Variants in PTPRS observed in about 807,000 individuals in gnomAD.
The protein encoded by PTPRS is protein tyrosine phosphatase receptor type S, also known as receptor-type tyrosine-protein phosphatase S.
A neutral mutation model predicts 215.3 loss-of-function variants in PTPRS; 63 were observed. The observed-to-expected ratio is 0.29, with a 90% CI of 0.24 to 0.36. The LOEUF (loss-of-function observed/expected upper bound fraction) is 0.36, where lower values mean the gene tolerates loss of function less well. Ranked by LOEUF, PTPRS falls within the 10% of genes least tolerant of loss-of-function variation. The pLI, the probability that PTPRS is intolerant of heterozygous loss-of-function variation, is 1.00. For synonymous variants in PTPRS, 1,404 were observed against 1,191.4 expected (o/e 1.18, Z -3.68); for missense variants, 2,258 against 2,825.8 (o/e 0.80, Z 4.56).
intron 1 of PTPRS, among the ~76,000 whole-genome samples, chr19:5,306,754 G>C (rs2049508564): frequency 6.6e-6 from 1 of 152,112 alleles, no homozygotes; most frequent in Non-Finnish European, 1.5e-5. Flanking sequence ...TGGAAGGTCG[G>C]GTTACAGCTT....
At position 5,255,404 on chromosome 19, in the gene PTPRS, C is replaced by T. The variant is rs181238784; in HGVS notation, c.718+704G>A. Among the ~76,000 whole-genome samples, 12 of 152,170 alleles carry T rather than the reference C, an allele frequency of 7.9e-5. No individual in the cohort carries two copies. The East Asian group carries it at 1.9e-3, about 25-fold the overall frequency. On this transcript the variant is annotated intron_variant, in intron 9 of 37. Coordinates refer to ENST00000262963, the MANE Select transcript of PTPRS (RefSeq NM_002850.4). ...GAACACTGGCTTTTAAATCACAATG[C>T]GTTTGGAGAACAACCACAGAACAGC...
intron 2 of PTPRS, among the ~76,000 whole-genome samples, chr19:5,284,404 TAAATAAATAAATAAA>T (rs1051731830): frequency 1.5e-4 from 21 of 136,986 alleles, no homozygotes; most frequent in Admixed American, 5.9e-4. Context: ...AATAAATAAA[TAAATAAATAAATAAA>T]AATTAGCCAG....
chr19:5,228,004 G>A (rs142556680), intron 16 of PTPRS, among the ~76,000 whole-genome samples: 1 of 152,178 alleles, frequency 6.6e-6, no homozygotes, highest in African/African-American at 2.4e-5. Context: ...GGGATAAGGA[G>A]GGGTGACGGG....
At position 5,287,724 on chromosome 19, in the gene PTPRS, C is replaced by T. The variant is rs1280187490; in HGVS notation, c.-94-1490G>A. On this transcript the variant is annotated intron_variant, in intron 1 of 37. Coordinates refer to ENST00000262963, the MANE Select transcript of PTPRS (RefSeq NM_002850.4). The surrounding 1 kb of genome is among the most constrained non-coding windows in gnomAD (Gnocchi z 4.8). ...AGGGGAAGGATGGGCGGGTAGTGGC[C>T]GGGTCACAGCCTAGGGTGACGAACG... Among the ~76,000 whole-genome samples the T allele has an allele frequency of 1.3e-5, 2 of 152,236 alleles. No individual in the cohort carries two copies. Among genetic ancestry groups the T allele is most frequent in the East Asian group, 1.9e-4 (1 of 5,178 alleles).
rs1334459086 is a variant in PTPRS, at chr19:5,229,533, G to T, written c.2307C>A (p.Arg769=). Residue 769 remains arginine (R), a synonymous_variant, in exon 15 of 38, where the codon CGC becomes CGA. Transcript: ENST00000262963. The part of the protein sequence containing the change: ...HYVRMEGAEA[R]GPPRIKDVML... ...TGACGTCCTTGATGCGCGGCGGCCCGCGGGCCTCGGCGCCCTCCATGCGCA... is the reference window on the plus strand; with the variant it reads ...TGACGTCCTTGATGCGCGGCGGCCCTCGGGCCTCGGCGCCCTCCATGCGCA... The T allele has an allele frequency of 1.4e-6, 2 of 1,463,818 alleles. No individual in the cohort carries two copies. Among genetic ancestry groups the T allele is most frequent in the East Asian group, 3.0e-5 (1 of 32,952 alleles). 90.7% of individuals were successfully genotyped at this position (1,463,818 alleles called of 1,614,324 possible).
chr19:5,245,075 G>A (rs2145971145), intron 10 of PTPRS, among the ~76,000 whole-genome samples: 1 of 150,876 alleles, frequency 6.6e-6, no homozygotes, highest in African/African-American at 2.4e-5. Context: ...CACCTCCCGG[G>A]TTCAAGTGAT....
At chr19:5,230,825 C>T (rs149160034) in intron 14 of PTPRS, among the ~76,000 whole-genome samples, 5 of 152,294 alleles carry the variant, frequency 3.3e-5, no homozygotes, top group East Asian at 3.9e-4. Context: ...GCTTCGACCA[C>T]GTGACTCCAA....
intron 16 of PTPRS, among the ~76,000 whole-genome samples, chr19:5,226,666 T>C (rs1161766014): frequency 6.6e-6 from 1 of 151,902 alleles, no homozygotes; most frequent in Non-Finnish European, 1.5e-5. Flanking sequence ...GGAGGATCAC[T>C]TGAACCCAGG....
At position 5,257,660 on chromosome 19, in the gene PTPRS, G is replaced by T. The variant is rs139049347; in HGVS notation, c.706+357C>A. On this transcript the variant is annotated intron_variant, in intron 8 of 37. Transcript: ENST00000262963. This position sits in a 1 kb window ranked among gnomAD's most constrained non-coding sequence, Gnocchi z 4.4. The stretch of plus-strand genomic sequence containing the variant: ...AGCCAACTCGGGTGGGCAGGCAGGT[G>T]GGGTGGGGCGGGGCAGAGGCCTGCA... 0.01 allele frequency among the ~76,000 whole-genome samples: 1,556 copies of T among 152,294 alleles called. 13 individuals carry two copies. The highest frequency in any genetic ancestry group is 0.02 in the Middle Eastern group (6 of 294).
At chr19:5,227,761 G>C (rs763199379) in intron 16 of PTPRS, among the ~76,000 whole-genome samples, 1 of 152,126 alleles carries the variant, frequency 6.6e-6, no homozygotes, top group Non-Finnish European at 1.5e-5. Flanking sequence ...TGACTGTTAG[G>C]GAGGAGGGGC....
intron 1 of PTPRS, among the ~76,000 whole-genome samples, chr19:5,325,411 T>A (rs967225056): frequency 6.6e-6 from 1 of 152,192 alleles, no homozygotes; most frequent in Non-Finnish European, 1.5e-5. Context: ...TATTGGGAGA[T>A]CCCGCCACAA....
chr19:5,322,494 C>T (rs1422589527), intron 1 of PTPRS, among the ~76,000 whole-genome samples: 9 of 152,056 alleles, frequency 5.9e-5, no homozygotes, highest in African/African-American at 1.9e-4. Flanking sequence ...GACTCGAGCC[C>T]GCCCCGACTG....
intron 4 of PTPRS, among the ~76,000 whole-genome samples, chr19:5,266,466 T>A (rs78489520): frequency 0.031 from 4,692 of 152,042 alleles, 158 homozygotes; most frequent in African/African-American, 0.08. Flanking sequence ...TTATTTATTT[T>A]TTTTGAGATG....
Position 5,208,297 on chromosome 19 carries a change from C to T in PTPRS, c.5582G>A (p.Gly1861Asp). 1 of 1,613,886 alleles carries T rather than the reference C, an allele frequency of 6.2e-7. No homozygotes were observed. The highest frequency in any genetic ancestry group is 8.5e-7 in the Non-Finnish European group (1 of 1,179,862). ...KSGEGFIDFI[G>D]QVHKTKEQFG... Reference sequence around the variant, plus strand: ...CTGCTCCTTAGTCTTATGCACTTGGCCAATGAAGTCGATGAAGCCCTCCCC... The same window carrying T: ...CTGCTCCTTAGTCTTATGCACTTGGTCAATGAAGTCGATGAAGCCCTCCCC... Residue 1861 changes from glycine to aspartate, a missense_variant, in exon 36 of 38, where the codon GGC (glycine) becomes GAC (aspartate). By Grantham distance (94) the Gly-to-Asp change is moderately conservative (BLOSUM62 -1). Coordinates refer to ENST00000262963, the MANE Select transcript of PTPRS (RefSeq NM_002850.4).
chr19:5,288,830 C>T (rs2048576644), intron 1 of PTPRS, among the ~76,000 whole-genome samples: 1 of 152,206 alleles, frequency 6.6e-6, no homozygotes, highest in Non-Finnish European at 1.5e-5. Context: ...CAGCCACCTT[C>T]TAAACCAGGC....
At chr19:5,239,733 C>A (rs1243123549) in intron 12 of PTPRS, among the ~76,000 whole-genome samples, 1 of 149,894 alleles carries the variant, frequency 6.7e-6, no homozygotes, top group Non-Finnish European at 1.5e-5. Context: ...GAAACAGATA[C>A]AGAGACAGAG....
In PTPRS at chr19:5,210,450, A is replaced by T; in HGVS notation, c.5487+19T>A. On this transcript the variant is annotated intron_variant, in intron 35 of 37. Transcript: ENST00000262963. The surrounding 1 kb of genome is among the most constrained non-coding windows in gnomAD (Gnocchi z 4.5). ...CACTAAGGCTCCAGCCCCTCCCGCC[A>T]GTCTGTCTCTTCACTCACCCGGGCA... 6.2e-7 allele frequency: 1 copy of T among 1,613,992 alleles called. No individual in the cohort carries two copies. The highest frequency in any genetic ancestry group is 8.5e-7 in the Non-Finnish European group (1 of 1,179,948).
At chr19:5,262,518 G>A (rs1342875641) in intron 6 of PTPRS, among the ~76,000 whole-genome samples, 1 of 152,144 alleles carries the variant, frequency 6.6e-6, no homozygotes, top group Non-Finnish European at 1.5e-5. Flanking sequence ...CAGCTAGGCT[G>A]GAAAAATCTC....
At chr19:5,319,269 T>C (rs1366723403) in intron 1 of PTPRS, among the ~76,000 whole-genome samples, 2 of 151,928 alleles carry the variant, frequency 1.3e-5, no homozygotes, top group African/African-American at 2.4e-5. Flanking sequence ...AAATTAGCCA[T>C]GCGTGGTGGT....
Sources: allele counts gnomAD v4.1 joint callset (sites outside exome capture counted in the v4.1 genomes callset), GRCh38; gene constraint gnomAD v4.1.1; non-coding constraint Gnocchi (gnomAD v3.1); transcripts MANE v1.5; gene names NCBI Gene and HGNC (gene_info 2026-07-23, HGNC 2026-07-21).